INPP4B: variants seen among roughly 807,000 people sequenced by gnomAD.
INPP4B encodes inositol polyphosphate 4-phosphatase type II.
In INPP4B, 55 loss-of-function variants were observed where a neutral mutation model predicts 122.5. The ratio of observed to expected loss-of-function variants is 0.45; its 90% CI spans 0.36 to 0.56. The LOEUF (loss-of-function observed/expected upper bound fraction) is 0.56, where lower values mean the gene tolerates loss of function less well. Among genes scored for constraint, INPP4B ranks in the 20% least tolerant of loss-of-function variants. The pLI, the probability that INPP4B is intolerant of heterozygous loss-of-function variation, is 0.00. For missense variants in INPP4B, 1,000 were observed against 1,097.7 expected, an observed-to-expected ratio of 0.91 and a Z score of 1.26; for synonymous variants, 403 against 388.7, an observed-to-expected ratio of 1.04 and a Z score of -0.43.
At chr4:142,239,586 G>T (rs1858288839) in intron 11 of INPP4B, among the ~76,000 whole-genome samples, 1 of 152,050 alleles carries the variant, frequency 6.6e-6, no homozygotes, top group Non-Finnish European at 1.5e-5. Flanking sequence ...TTAGTCATTT[G>T]TAAAGTGACA....
At chr4:142,451,484 C>T (rs1471930874) in intron 3 of INPP4B, among the ~76,000 whole-genome samples, 3 of 152,194 alleles carry the variant, frequency 2.0e-5, no homozygotes, top group African/African-American at 7.2e-5. Flanking sequence ...CTCCTGACTT[C>T]AAGTGATCTG....
At chr4:142,254,420 C>T (rs371023727) in intron 11 of INPP4B, among the ~76,000 whole-genome samples, 1 of 145,944 alleles carries the variant, frequency 6.9e-6, no homozygotes, top group Non-Finnish European at 1.5e-5. Context: ...TACGGGAGGA[C>T]ATTCAAACCA....
chr4:142,658,646 T>C (rs182114360), intron 2 of INPP4B, among the ~76,000 whole-genome samples: 3 of 152,374 alleles, frequency 2.0e-5, no homozygotes, highest in Admixed American at 1.3e-4. Context: ...CATTTTTCTT[T>C]TGCAGCAGGA....
chr4:142,358,857 C>T (rs1408262263), intron 7 of INPP4B, among the ~76,000 whole-genome samples: 1 of 151,930 alleles, frequency 6.6e-6, no homozygotes, highest in African/African-American at 2.4e-5. Flanking sequence ...TGCCTAGATG[C>T]AACATTGCTG....
intron 17 of INPP4B, among the ~76,000 whole-genome samples, chr4:142,156,945 C>CA (rs1817532129): frequency 1.3e-5 from 2 of 151,950 alleles, no homozygotes; most frequent in South Asian, 2.1e-4. Context: ...GTAAAACAAA[C>CA]AAAAAATGCT....
chr4:142,340,366 T>C (rs985161424), intron 7 of INPP4B, among the ~76,000 whole-genome samples: 1 of 151,950 alleles, frequency 6.6e-6, no homozygotes, highest in Admixed American at 6.6e-5. Flanking sequence ...ACGTTCCCCT[T>C]TTAAAAAACA....
chr4:142,177,609 G>A (rs1057230144), intron 15 of INPP4B, among the ~76,000 whole-genome samples: 4 of 151,914 alleles, frequency 2.6e-5, no homozygotes, highest in African/African-American at 9.7e-5. Flanking sequence ...TTTCTATTGA[G>A]AGAGTGAATT....
chr4:142,335,006 C>A (rs1206287434), intron 7 of INPP4B, among the ~76,000 whole-genome samples: 1 of 150,842 alleles, frequency 6.6e-6, no homozygotes, highest in Non-Finnish European at 1.5e-5. Context: ...AAACACTCCC[C>A]TGAAAGCCAG....
chr4:142,512,998 T>C, intron 2 of INPP4B, among the ~76,000 whole-genome samples: 1 of 152,290 alleles, frequency 6.6e-6, no homozygotes, highest in East Asian at 1.9e-4. Flanking sequence ...GCTTTTTAAT[T>C]TTTTCACATC....
intron 7 of INPP4B, among the ~76,000 whole-genome samples, chr4:142,328,173 G>A (rs1282953780): frequency 6.6e-6 from 1 of 152,122 alleles, no homozygotes; most frequent in African/African-American, 2.4e-5. Flanking sequence ...TAAATGTCAT[G>A]AACTCTTCTG....
chr4:142,465,957 A>G lies in INPP4B; in HGVS notation c.-190-3231T>C, dbSNP rs116088016. Among the ~76,000 whole-genome samples, 960 of 152,234 alleles carry G rather than the reference A, an allele frequency of 6.3e-3. 14 individuals are homozygous for G. The highest frequency in any genetic ancestry group is 0.022 in the African/African-American group (906 of 41,546). Reference sequence around the variant, plus strand: ...AGCAAATCCTGTCACCATACTTCCTATGGAACCTACAGAACTGTGAACCAA... The same window carrying G: ...AGCAAATCCTGTCACCATACTTCCTGTGGAACCTACAGAACTGTGAACCAA... On this transcript the variant is annotated intron_variant, in intron 2 of 25. Coordinates refer to ENST00000262992, the MANE Select transcript of INPP4B (RefSeq NM_001101669.3).
intron 17 of INPP4B, among the ~76,000 whole-genome samples, chr4:142,158,956 C>T (rs977298213): frequency 1.3e-5 from 2 of 151,884 alleles, no homozygotes; most frequent in African/African-American, 4.8e-5. Context: ...TGTATACACT[C>T]GAACTCTTCA....
intron 2 of INPP4B, among the ~76,000 whole-genome samples, chr4:142,571,990 A>C (rs1340667406): frequency 6.6e-6 from 1 of 152,140 alleles, no homozygotes; most frequent in Admixed American, 6.6e-5. Context: ...AAGTTTGTGA[A>C]TATTTCGCCA....
At chr4:142,409,579 TAAAG>T (rs1804178176) in intron 5 of INPP4B, among the ~76,000 whole-genome samples, 1 of 151,952 alleles carries the variant, frequency 6.6e-6, no homozygotes, top group Admixed American at 6.6e-5. Context: ...AATAAACAAA[TAAAG>T]ACTCAATATG....
intron 9 of INPP4B, among the ~76,000 whole-genome samples, chr4:142,285,394 G>T (rs1292991064): frequency 1.7e-5 from 1 of 60,196 alleles, no homozygotes; most frequent in Non-Finnish European, 2.7e-5. Flanking sequence ...GAGGTTCATG[G>T]CCTCAGACAT....
At chr4:142,760,632 C>T (rs569183019) in intron 1 of INPP4B, among the ~76,000 whole-genome samples, 1 of 152,080 alleles carries the variant, frequency 6.6e-6, no homozygotes, top group African/African-American at 2.4e-5. Flanking sequence ...ATGAGAACAG[C>T]TAATTGAAAA....
chr4:142,491,469 C>A (rs986691179), intron 2 of INPP4B, among the ~76,000 whole-genome samples: 25 of 152,108 alleles, frequency 1.6e-4, no homozygotes, highest in Admixed American at 2.0e-4. Flanking sequence ...GCCTGACCAA[C>A]ATGGTGAAAT....
intron 2 of INPP4B, among the ~76,000 whole-genome samples, chr4:142,475,296 AAAAAACAAAAC>A (rs1453169501): frequency 1.1e-4 from 16 of 149,928 alleles, no homozygotes; most frequent in African/African-American, 3.4e-4. Context: ...AAAAACCCCC[AAAAAACAAAAC>A]AAAAACAAAA....
intron 2 of INPP4B, among the ~76,000 whole-genome samples, chr4:142,721,618 C>G (rs955667374): frequency 6.6e-6 from 1 of 152,134 alleles, no homozygotes; most frequent in East Asian, 1.9e-4. Flanking sequence ...GTCAGGAGAT[C>G]GACACTATCC....
Sources: gnomAD v4.1 joint callset for allele counts (sites outside exome capture counted in the v4.1 genomes callset) on GRCh38, gnomAD v4.1.1 for gene constraint, MANE v1.5 for transcripts, NCBI Gene and HGNC (gene_info 2026-07-23, HGNC 2026-07-21) for gene names.